POGZ: variants seen among roughly 807,000 people sequenced by gnomAD.
The protein encoded by POGZ is pogo transposable element with ZNF domain.
A neutral mutation model predicts 134.6 loss-of-function variants in POGZ; 17 were observed. That is an observed-to-expected ratio of 0.13 (90% CI 0.09 to 0.19). The LOEUF (loss-of-function observed/expected upper bound fraction) is 0.19, where lower values mean the gene tolerates loss of function less well. Ranked by LOEUF, POGZ falls within the 10% of genes least tolerant of loss-of-function variation. The probability of loss-of-function intolerance (pLI) is 1.00; values close to 1 mark genes in which losing one functional copy is unlikely to be tolerated. For missense variants in POGZ, 1,306 were observed against 1,769.7 expected (o/e 0.74, Z 4.70); for synonymous variants, 693 against 657.1 (o/e 1.05, Z -0.84).
chr1:151,413,733 G>A (rs557240842), intron 10 of POGZ, among the ~76,000 whole-genome samples: 19 of 151,882 alleles, frequency 1.3e-4, no homozygotes, highest in South Asian at 1.2e-3. Flanking sequence ...ACGCTAGAGC[G>A]CAGTGGCTCA....
In POGZ at chr1:151,406,250, G is replaced by A. The variant is rs1412910690; in HGVS notation, c.2785C>T (p.Leu929Phe). The change falls in exon 19 of 19, where the codon CTT becomes TTT. Residue 929 changes from leucine (L) to phenylalanine (F), a missense_variant. Leu to Phe is a conservative substitution (Grantham distance 22). Transcript: ENST00000271715. ...PTPTHPQALA[L>F]PPLATEGAEC... ...GCTCCCTCTGTAGCCAGCGGTGGAA[G>A]GGCTAAAGCCTGCGGGTGAGTGGGG... is the stretch of plus-strand genomic sequence containing the variant. The A allele has an allele frequency of 1.2e-6, 2 of 1,614,074 alleles. No homozygotes were observed. Among genetic ancestry groups the A allele is most frequent in the East Asian group, 2.2e-5 (1 of 44,886 alleles).
At chr1:151,440,114 T>C (rs1660286603) in intron 3 of POGZ, among the ~76,000 whole-genome samples, 1 of 151,706 alleles carries the variant, frequency 6.6e-6, no homozygotes, top group South Asian at 2.1e-4. Flanking sequence ...AAAAAATAAA[T>C]ATATGTACAG....
intron 1 of POGZ, among the ~76,000 whole-genome samples, chr1:151,447,888 A>G (rs566927452): frequency 1.3e-5 from 2 of 152,068 alleles, no homozygotes; most frequent in African/African-American, 4.8e-5. Context: ...AGTCCTTCTG[A>G]CACAACCCTA....
Position 151,404,868 on chromosome 1 carries a change from C to T in POGZ, c.4167G>A (p.Glu1389=). 1 of 1,614,084 alleles carries T rather than the reference C, an allele frequency of 6.2e-7. No homozygotes were observed. The highest frequency in any genetic ancestry group is 8.5e-7 in the Non-Finnish European group (1 of 1,180,006). ...IEPESLHQLF[E]GESETESFYG... ...AGAAAGACTCGGTCTCACTTTCACC[C>T]TCAAAGAGCTGGTGAAGACTTTCAG... The change falls in exon 19 of 19, where the codon GAG becomes GAA. Residue 1389 remains glutamate (E), a synonymous_variant. Transcript: ENST00000271715.
At chr1:151,408,367 A>G in intron 14 of POGZ, 42 bp downstream of exon 14, 1 of 1,562,068 alleles carries the variant, frequency 6.4e-7, no homozygotes, top group East Asian at 2.2e-5. Flanking sequence ...AATCCTGGCC[A>G]CCCAGTCCCC....
intron 1 of POGZ, among the ~76,000 whole-genome samples, chr1:151,450,226 T>C (rs1353767703): frequency 6.6e-6 from 1 of 151,702 alleles, no homozygotes; most frequent in Non-Finnish European, 1.5e-5. Flanking sequence ...GAGATGGGTT[T>C]TCACCATATT....
rs572963251 is a variant in POGZ, at chr1:151,424,735, A to T, written c.1185+220T>A. 8.5e-5 allele frequency among the ~76,000 whole-genome samples: 13 copies of T among 152,366 alleles called. No homozygotes were observed. The South Asian group carries it at 2.7e-3, about 32-fold the overall frequency. ...CCTGTGTGGTTTCAAAATCTACCAC[A>T]CTAAGAAAGTAAGATCACATATGTT... On this transcript the variant is annotated intron_variant, in intron 8 of 18. Coordinates refer to ENST00000271715, the MANE Select transcript of POGZ (RefSeq NM_015100.4).
At chr1:151,450,022 G>GTTTTT (rs1661838140) in intron 1 of POGZ, among the ~76,000 whole-genome samples, 1 of 100,616 alleles carries the variant, frequency 9.9e-6, no homozygotes, top group East Asian at 4.5e-4. Flanking sequence ...TGTGAAACTT[G>GTTTTT]ATTTTTTTTT....
rs34480197 is a variant in POGZ at position 151,413,103 on chromosome 1, C to CT, written c.1679-708dup. Among the ~76,000 whole-genome samples, 393 of 92,814 alleles carry CT rather than the reference C, an allele frequency of 4.2e-3. 5 individuals carry two copies. Among genetic ancestry groups the CT allele is most frequent in the African/African-American group, 9.8e-3 (228 of 23,240 alleles). The allele number at this position is 92,814 out of a possible 152,430, so 60.9% of individuals were successfully genotyped here. A position where few individuals can be genotyped will look rare whatever the true frequency, so the allele number is the denominator to read the frequency against. On this transcript the variant is annotated intron_variant, in intron 10 of 18. Transcript: ENST00000271715. ...ATAGGTGTGAGCCACCGTGCCTGGG[C>CT]TTTTTTTTTTTTTTTTTTTTTTAAG...
At position 151,404,293 on chromosome 1, in the gene POGZ, C is replaced by G. The variant is rs769148921; in HGVS notation, c.*509G>C. On this transcript the variant is annotated 3_prime_UTR_variant, in exon 19 of 19. Transcript: ENST00000271715. ...GTTTTTTATCCATATATATAATAAACCAGTTTGTGAGCTACATAATTTGTC... is the reference window on the plus strand; with the variant it reads ...GTTTTTTATCCATATATATAATAAAGCAGTTTGTGAGCTACATAATTTGTC... The G allele has an allele frequency of 1.0e-6, 1 of 983,770 alleles. No individual in the cohort carries two copies. Among genetic ancestry groups the G allele is most frequent in the Non-Finnish European group, 1.2e-6 (1 of 828,332 alleles). 60.9% of individuals were successfully genotyped at this position (983,770 alleles called of 1,614,324 possible). A position where few individuals can be genotyped will look rare whatever the true frequency, so the allele number is the denominator to read the frequency against.
At chr1:151,425,120 GA>G in intron 7 of POGZ, 59 bp from the exon 8 acceptor site, 1 of 896,690 alleles carries the variant, frequency 1.1e-6, no homozygotes, top group South Asian at 1.4e-5. Context: ...AAAGATTACT[GA>G]CCTTTTGGGA....
At chr1:151,418,802 G>T (rs1004328785) in intron 10 of POGZ, among the ~76,000 whole-genome samples, 1 of 151,096 alleles carries the variant, frequency 6.6e-6, no homozygotes, top group African/African-American at 2.4e-5. Context: ...AAGGTGGGTG[G>T]ATCACGAGGT....
intron 3 of POGZ, among the ~76,000 whole-genome samples, chr1:151,432,335 C>G (rs974085176): frequency 6.6e-6 from 1 of 152,136 alleles, no homozygotes; most frequent in Admixed American, 6.5e-5. Flanking sequence ...GCTAGACCAC[C>G]AAAGGAATAG....
intron 1 of POGZ, among the ~76,000 whole-genome samples, chr1:151,457,905 C>A (rs1461309851): frequency 1.4e-5 from 2 of 145,498 alleles, no homozygotes; most frequent in African/African-American, 5.1e-5. Context: ...CCAGCCTGGG[C>A]GACAAGAGTG....
In POGZ at chr1:151,409,270, TC is replaced by T. The variant is rs574204601; in HGVS notation, c.1927-443del. ...CTTTGCTTTCAACTCCAACACTCAG[TC>T]CCCTTCCATACAAACAACTTATTAC... On this transcript the variant is annotated intron_variant, in intron 12 of 18. Transcript: ENST00000271715. Among the ~76,000 whole-genome samples, 941 of 152,334 alleles carry T rather than the reference TC, an allele frequency of 6.2e-3. 4 individuals carry two copies. Among genetic ancestry groups the T allele is most frequent in the Non-Finnish European group, 9.8e-3 (668 of 68,032 alleles).
At chr1:151,438,136 G>A (rs546595619) in intron 3 of POGZ, among the ~76,000 whole-genome samples, 6 of 151,982 alleles carry the variant, frequency 3.9e-5, no homozygotes, top group South Asian at 2.1e-4. Flanking sequence ...ACTTGAACCC[G>A]GGAAGTGGAG....
chr1:151,414,240 T>G (rs2102206528), intron 10 of POGZ, among the ~76,000 whole-genome samples: 1 of 152,340 alleles, frequency 6.6e-6, no homozygotes, highest in South Asian at 2.1e-4. Flanking sequence ...AACAGTTAAC[T>G]AGCAACATAA....
chr1:151,423,366 TC>T, intron 10 of POGZ, 30 bp downstream of exon 10: 1 of 1,581,914 alleles, frequency 6.3e-7, no homozygotes, highest in Non-Finnish European at 8.7e-7. Context: ...CAAGGTATAT[TC>T]CCCTTGAGTT....
intron 1 of POGZ, among the ~76,000 whole-genome samples, chr1:151,444,410 TTAAA>T (rs981894676): frequency 2.4e-4 from 36 of 152,258 alleles, no homozygotes; most frequent in Non-Finnish European, 2.9e-5. Context: ...AACTTTTTCC[TTAAA>T]TACTTAATTT....
Sources: gnomAD v4.1 joint callset for allele counts (sites outside exome capture counted in the v4.1 genomes callset) on GRCh38, gnomAD v4.1.1 for gene constraint, MANE v1.5 for transcripts, NCBI Gene and HGNC (gene_info 2026-07-23, HGNC 2026-07-21) for gene names.